The following SPRR2F variants were observed in gnomAD, a reference collection of about 807,000 sequenced individuals.
The protein encoded by SPRR2F is small proline rich protein 2F.
SPRR2F carries 2 observed loss-of-function variants against 0.8 expected under a neutral mutation model. The ratio of observed to expected loss-of-function variants is 2.52; its 90% confidence interval spans 1.03 to 7.95. The LOEUF is 7.95. Among genes scored for constraint, SPRR2F ranks in the 30% most tolerant of loss-of-function variants. The pLI, the probability that SPRR2F is intolerant of heterozygous loss-of-function variation, is 0.04. For missense variants in SPRR2F, 80 were observed against 85.8 expected, an observed-to-expected ratio of 0.93 and a Z score of 0.27; for synonymous variants, 39 against 33.4, an observed-to-expected ratio of 1.17 and a Z score of -0.58.
At chr1:153,118,668 C>T in the SPRR2F span, among the ~76,000 whole-genome samples, 1 of 152,028 alleles carries the variant, frequency 6.6e-6, no homozygotes, top group Non-Finnish European at 1.5e-5. Context: ...ATAATCAAAA[C>T]CTGAGGCGGT....
chr1:153,114,740 C>A (rs1363672460), upstream of SPRR2F, among the ~76,000 whole-genome samples: 2 of 152,188 alleles, frequency 1.3e-5, no homozygotes, highest in African/African-American at 4.8e-5. Context: ...CCCCAATGTA[C>A]ACCTCTCATC....
At chr1:153,112,903 C>T (rs1655634234) in intron 1 of SPRR2F, among the ~76,000 whole-genome samples, 151 bp from the exon 2 acceptor site, 1 of 152,310 alleles carries the variant, frequency 6.6e-6, no homozygotes, top group Admixed American at 6.5e-5. Flanking sequence ...TGGCTTCTCA[C>T]TTCCACTTCA....
In SPRR2F at chr1:153,112,696, T is replaced by C. The variant is rs772221001; in HGVS notation, c.38A>G (p.Gln13Arg). ...TGGCGCGGGGCACACAGGAGGTGGC[T>C]GGCAGGGCTGCTTGCACTGCTGCTG... ...YQQQQCKQPC[Q>R]PPPVCPAPKC... The change falls in exon 2 of 2, where the codon CAG becomes CGG. Residue 13 changes from glutamine (Q) to arginine (R), a missense_variant. By Grantham distance (43) the Gln-to-Arg change is conservative. Coordinates refer to ENST00000468739, the MANE Select transcript of SPRR2F (RefSeq NM_001014450.3). The C allele has an allele frequency of 6.2e-7, 1 of 1,612,276 alleles. No homozygotes were observed. The highest frequency in any genetic ancestry group is 2.2e-5 in the East Asian group (1 of 44,876).
At chr1:153,113,991 G>GTTTTTTTTTT (rs1655663014), upstream of SPRR2F, among the ~76,000 whole-genome samples, 1 of 107,062 alleles carries the variant, frequency 9.3e-6, no homozygotes, top group African/African-American at 3.9e-5. Flanking sequence ...TCTGGTCCCA[G>GTTTTTTTTTT]ATTTTTTTTT....
chr1:153,115,064 C>G (rs1264848755), upstream of SPRR2F, among the ~76,000 whole-genome samples: 5 of 152,132 alleles, frequency 3.3e-5, no homozygotes, highest in Admixed American at 2.0e-4. Context: ...GCATCACATC[C>G]CTCAGTTAAG....
upstream of SPRR2F, among the ~76,000 whole-genome samples, chr1:153,117,599 C>T (rs75792465): frequency 9.8e-3 from 1,492 of 152,096 alleles, 32 homozygotes; most frequent in African/African-American, 0.034. Context: ...CATTAACCTT[C>T]CCAAAGAAAA....
chr1:153,112,518 C>T lies in SPRR2F; in HGVS notation c.216G>A (p.Lys72=), dbSNP rs747406352. The stretch of plus-strand genomic sequence containing the variant: ...CTCCTGATGAATCCTGAAGCTGTTA[C>T]TTGCTCTTGGGTGGACACTTTGGCT... ...PCQPKCPPKS[K] The change falls in exon 2 of 2, where the codon AAG becomes AAA. Residue 72 remains lysine (K), a synonymous_variant. Transcript: ENST00000468739. 8 of 1,611,588 alleles carry T rather than the reference C, an allele frequency of 5.0e-6. No homozygotes were observed. In the East Asian group the frequency reaches 1.8e-4, roughly 36 times the overall value.
upstream of SPRR2F, among the ~76,000 whole-genome samples, chr1:153,116,144 C>T (rs1258399724): frequency 2.0e-5 from 3 of 152,100 alleles, no homozygotes; most frequent in African/African-American, 7.2e-5. Flanking sequence ...TGAATATAGG[C>T]TTACATTCCA....
Position 153,112,788 on chromosome 1 carries a change from G to A in SPRR2F, c.-19-36C>T, listed in dbSNP as rs1655630599. The A allele has an allele frequency of 2.5e-6, 4 of 1,607,552 alleles. No homozygotes were observed. The South Asian group carries it at 4.4e-5, about 18-fold the overall frequency. On this transcript the variant is annotated intron_variant, in intron 1 of 1. Coordinates refer to ENST00000468739, the MANE Select transcript of SPRR2F (RefSeq NM_001014450.3). ...TTATATGACAGTGTTCACGGGAAGGGAATCCTCCAGAGAGAGAAGCCAAAG... is the reference window on the plus strand; with the variant it reads ...TTATATGACAGTGTTCACGGGAAGGAAATCCTCCAGAGAGAGAAGCCAAAG...
upstream of SPRR2F, among the ~76,000 whole-genome samples, chr1:153,118,153 G>A (rs1006314076): frequency 9.2e-5 from 14 of 151,952 alleles, no homozygotes; most frequent in Non-Finnish European, 1.6e-4. Flanking sequence ...ATCCACCAAG[G>A]TGTCCTTCAG....
Position 153,112,461 on chromosome 1 carries a change from C to G in SPRR2F, c.*54G>C. The G allele has an allele frequency of 1.9e-6, 3 of 1,569,236 alleles. No homozygotes were observed. Among genetic ancestry groups the G allele is most frequent in the Non-Finnish European group, 2.6e-6 (3 of 1,157,358 alleles). On this transcript the variant is annotated 3_prime_UTR_variant, in exon 2 of 2. Coordinates refer to ENST00000468739, the MANE Select transcript of SPRR2F (RefSeq NM_001014450.3). ...AGAAGATGCAGGTGGAGCTGTGGAA[C>G]GAGGTGAGCCAATTATCCTTATCCT...
At chr1:153,117,952 G>C (rs1291238169), upstream of SPRR2F, among the ~76,000 whole-genome samples, 1 of 151,904 alleles carries the variant, frequency 6.6e-6, no homozygotes, top group Non-Finnish European at 1.5e-5. Flanking sequence ...AAGTTAAAGA[G>C]AAGTTAAATA....
upstream of SPRR2F, among the ~76,000 whole-genome samples, chr1:153,115,173 C>T (rs1004301369): frequency 1.3e-5 from 2 of 152,132 alleles, no homozygotes; most frequent in Admixed American, 1.3e-4. Flanking sequence ...AAAGACATCA[C>T]GTCAGCACCT....
Position 153,112,379 on chromosome 1 carries a change from G to A in SPRR2F, c.*136C>T. The A allele has an allele frequency of 3.4e-6, 5 of 1,452,334 alleles. No individual in the cohort carries two copies. The highest frequency in any genetic ancestry group is 1.4e-5 in the South Asian group (1 of 73,062). The allele number at this position is 1,452,334 out of a possible 1,614,324, so 90.0% of individuals were successfully genotyped here. On this transcript the variant is annotated 3_prime_UTR_variant, in exon 2 of 2. Transcript: ENST00000468739. ...CTTTTGCTATCAGAGATCATCACAG[G>A]CCGATCACAGGCTAAGAGGAAAGAA...
At chr1:153,118,605 G>A in the SPRR2F span, among the ~76,000 whole-genome samples, 45,522 of 151,870 alleles carry the variant, frequency 0.3, 8,653 homozygotes, top group Non-Finnish European at 0.44. Context: ...CTAGAATTTC[G>A]CTTCTGGCAA....
In SPRR2F at chr1:153,112,751, A is replaced by G. The variant is rs372699604; in HGVS notation, c.-18T>C. On this transcript the variant is annotated splice_region_variant and 5_prime_UTR_variant, in exon 2 of 2. Transcript: ENST00000468739. ...TAAGACATCCTGCTGGAGTCTCAGA[A>G]TCTGAAAGAAATTATATGACAGTGT... is the stretch of plus-strand genomic sequence containing the variant. The G allele has an allele frequency of 1.2e-5, 20 of 1,611,172 alleles. No homozygotes were observed. In the African/African-American group the frequency reaches 2.7e-4, roughly 21 times the overall value.
At chr1:153,118,557 A>T in the SPRR2F span, among the ~76,000 whole-genome samples, 1 of 152,160 alleles carries the variant, frequency 6.6e-6, no homozygotes, top group African/African-American at 2.4e-5. Flanking sequence ...AGGCAGTGGG[A>T]TGATATAATG....
At chr1:153,114,646 T>G (rs1184178036), upstream of SPRR2F, among the ~76,000 whole-genome samples, 1 of 152,224 alleles carries the variant, frequency 6.6e-6, no homozygotes. Flanking sequence ...TGTTTCTCAG[T>G]GTTTTTTAAT....
upstream of SPRR2F, among the ~76,000 whole-genome samples, chr1:153,117,525 A>C (rs1042976759): frequency 3.9e-5 from 6 of 152,038 alleles, no homozygotes; most frequent in Non-Finnish European, 8.8e-5. Flanking sequence ...TATCATATTT[A>C]TTCTGGTGGC....
Sources: gnomAD v4.1 joint callset for allele counts (sites outside exome capture counted in the v4.1 genomes callset) on GRCh38, gnomAD v4.1.1 for gene constraint, MANE v1.5 for transcripts, NCBI Gene and HGNC (gene_info 2026-07-23, HGNC 2026-07-21) for gene names.